The following RERE variants were observed in gnomAD, a reference collection of about 807,000 sequenced individuals.
The protein encoded by RERE is arginine-glutamic acid dipeptide repeats protein.
Under a neutral mutation model 146.1 loss-of-function variants are expected in RERE, and 40 were observed. That is an observed-to-expected ratio of 0.27 (90% CI 0.21 to 0.36). The LOEUF (loss-of-function observed/expected upper bound fraction) is 0.36. Among genes scored for constraint, RERE ranks in the 10% least tolerant of loss-of-function variants. The probability of loss-of-function intolerance (pLI) is 1.00; values close to 1 mark genes in which losing one functional copy is unlikely to be tolerated. For missense variants in RERE, 1,933 were observed against 2,138.7 expected (o/e 0.90, Z 1.90); for synonymous variants, 1,003 against 866.0 (o/e 1.16, Z -2.78).
At chr1:8,371,766 G>A (rs1487945867) in intron 12 of RERE, among the ~76,000 whole-genome samples, 1 of 152,228 alleles carries the variant, frequency 6.6e-6, no homozygotes, top group Non-Finnish European at 1.5e-5. Context: ...GGCCGGGGCT[G>A]CCTACCTCCT....
At chr1:8,500,972 G>C (rs1336903332) in intron 8 of RERE, among the ~76,000 whole-genome samples, 6 of 140,724 alleles carry the variant, frequency 4.3e-5, no homozygotes, top group Admixed American at 7.2e-5. Flanking sequence ...CCCTCCATCC[G>C]GCAGCCACCC....
rs2124423842 is a variant in RERE at position 8,556,637 on chromosome 1, A to G, written c.629-66T>C. On this transcript the variant is annotated intron_variant, in intron 5 of 22. Transcript: ENST00000400908. The stretch of plus-strand genomic sequence containing the variant: ...CCCAAAACAAGTAAAAAAAATTTGT[A>G]AAACTTTTCTTTCACGTTTACCACC... The G allele has an allele frequency of 2.9e-6, 3 of 1,045,642 alleles. 1 individual carries two copies. Among genetic ancestry groups the G allele is most frequent in the Middle Eastern group, 5.1e-4 (2 of 3,936 alleles). 64.8% of individuals were successfully genotyped at this position (1,045,642 alleles called of 1,614,324 possible).
chr1:8,518,501 G>C (rs1231260697), intron 7 of RERE, among the ~76,000 whole-genome samples: 1 of 152,206 alleles, frequency 6.6e-6, no homozygotes, highest in Non-Finnish European at 1.5e-5. Flanking sequence ...TCAACAGAAT[G>C]AAGATCTTAG....
chr1:8,480,761 G>A (rs1029724292), intron 10 of RERE, among the ~76,000 whole-genome samples: 2 of 152,084 alleles, frequency 1.3e-5, no homozygotes, highest in Admixed American at 6.6e-5. Flanking sequence ...ATGTAAAAAG[G>A]CTAAAGGTTT....
chr1:8,475,639 G>A (rs1301859355), intron 10 of RERE, among the ~76,000 whole-genome samples: 3 of 151,124 alleles, frequency 2.0e-5, no homozygotes, highest in Non-Finnish European at 2.9e-5. Context: ...CCGAGATCAC[G>A]CCACTGCACT....
chr1:8,468,126 T>A (rs1372304500), intron 10 of RERE, among the ~76,000 whole-genome samples: 1 of 152,188 alleles, frequency 6.6e-6, no homozygotes, highest in Non-Finnish European at 1.5e-5. Context: ...CCTACAACAA[T>A]GATCAATACT....
chr1:8,428,312 T>C (rs975571384), intron 11 of RERE, among the ~76,000 whole-genome samples: 2 of 152,210 alleles, frequency 1.3e-5, no homozygotes, highest in African/African-American at 2.4e-5. Context: ...GGTGTGTTCA[T>C]GCCCAACCAA....
At chr1:8,669,132 G>A (rs1638654049) in intron 1 of RERE, among the ~76,000 whole-genome samples, 1 of 150,764 alleles carries the variant, frequency 6.6e-6, no homozygotes. Context: ...GCAGTGGCAT[G>A]CGTGATCACG....
chr1:8,595,083 C>T (rs757585818), intron 4 of RERE, among the ~76,000 whole-genome samples: 3 of 151,672 alleles, frequency 2.0e-5, no homozygotes, highest in Non-Finnish European at 4.4e-5. Context: ...ATCGCTTGAG[C>T]CCAGGAGCTT....
chr1:8,464,487 G>A (rs1249767571), intron 11 of RERE, among the ~76,000 whole-genome samples: 5 of 152,052 alleles, frequency 3.3e-5, no homozygotes, highest in African/African-American at 4.8e-5. Context: ...CCCCACTGTC[G>A]GAGCAAGTCA....
intron 3 of RERE, among the ~76,000 whole-genome samples, chr1:8,621,914 A>G (rs1557440154): frequency 6.6e-6 from 1 of 152,240 alleles, no homozygotes; most frequent in African/African-American, 2.4e-5. Context: ...GGAAATAACT[A>G]TATTTATTCC....
At chr1:8,556,653 G>A (rs1472423420) in intron 5 of RERE, 82 bp from the exon 6 acceptor site, 8 of 829,278 alleles carry the variant, frequency 9.6e-6, no homozygotes, top group African/African-American at 1.7e-5. Context: ...TTTCTTTCAC[G>A]TTTACCACCC....
At chr1:8,800,738 T>A (rs1641573312) in intron 1 of RERE, among the ~76,000 whole-genome samples, 1 of 151,408 alleles carries the variant, frequency 6.6e-6, no homozygotes, top group African/African-American at 2.4e-5. Context: ...GGCCGAGGCG[T>A]GTGATCACTT....
At chr1:8,657,145 T>A (rs533920662) in intron 1 of RERE, among the ~76,000 whole-genome samples, 1 of 151,542 alleles carries the variant, frequency 6.6e-6, no homozygotes, top group Non-Finnish European at 1.5e-5. Flanking sequence ...TACTAAAAAA[T>A]ACAACAAAAA....
intron 2 of RERE, among the ~76,000 whole-genome samples, 187 bp from the exon 3 acceptor site, chr1:8,624,567 CTGAT>C (rs1646952179): frequency 1.3e-5 from 2 of 152,184 alleles, no homozygotes; most frequent in South Asian, 2.1e-4. Flanking sequence ...TTGGTTCTTT[CTGAT>C]TATTTTTCTA....
chr1:8,724,254 T>C (rs563674738), intron 1 of RERE, among the ~76,000 whole-genome samples: 2 of 151,570 alleles, frequency 1.3e-5, no homozygotes, highest in South Asian at 4.1e-4. Flanking sequence ...TATCCTTCTT[T>C]GGGTTTCTGG....
intron 1 of RERE, among the ~76,000 whole-genome samples, chr1:8,767,830 G>A (rs1640876943): frequency 6.6e-6 from 1 of 152,024 alleles, no homozygotes; most frequent in South Asian, 2.1e-4. Context: ...GCCAGGCATG[G>A]TGGTGCACGC....
At chr1:8,368,375 G>A (rs1410497466) in intron 12 of RERE, among the ~76,000 whole-genome samples, 1 of 151,952 alleles carries the variant, frequency 6.6e-6, no homozygotes, top group African/African-American at 2.4e-5. Context: ...TCGGGAGTCT[G>A]AGACAGGAGA....
At chr1:8,759,876 C>CACACACACA (rs1294214023) in intron 1 of RERE, among the ~76,000 whole-genome samples, 37 of 150,810 alleles carry the variant, frequency 2.5e-4, no homozygotes, top group African/African-American at 8.3e-4. Flanking sequence ...CACACACACA[C>CACACACACA]AATATGTCTT....
Sources: allele counts gnomAD v4.1 joint callset (sites outside exome capture counted in the v4.1 genomes callset), GRCh38; gene constraint gnomAD v4.1.1; transcripts MANE v1.5; gene names NCBI Gene and HGNC (gene_info 2026-07-23, HGNC 2026-07-21).